Variants in SETBP1 observed in about 807,000 individuals in gnomAD.
SETBP1 encodes SET binding protein 1.
In SETBP1, 9 loss-of-function variants were observed where a neutral mutation model predicts 101.0. The observed-to-expected ratio is 0.09, with a 90% CI of 0.05 to 0.16. SETBP1 has a LOEUF of 0.16. Ranked by LOEUF, SETBP1 falls within the 10% of genes least tolerant of loss-of-function variation. SETBP1 has a pLI of 1.00. For synonymous variants in SETBP1, 818 were observed against 788.5 expected (o/e 1.04, Z -0.63); for missense variants, 1,858 against 2,033.8 (o/e 0.91, Z 1.66).
chr18:44,889,936 T>C (rs1043514419), intron 3 of SETBP1, among the ~76,000 whole-genome samples: 10 of 152,154 alleles, frequency 6.6e-5, no homozygotes, highest in African/African-American at 1.7e-4. Context: ...CAGTCAGCAT[T>C]TTTGTTTACT....
At chr18:44,730,234 C>T (rs2069808334) in intron 2 of SETBP1, among the ~76,000 whole-genome samples, 1 of 152,054 alleles carries the variant, frequency 6.6e-6, no homozygotes, top group South Asian at 2.1e-4. Context: ...TAGGTTCTGC[C>T]CTCAAACAAG....
At chr18:44,715,709 A>C (rs2069446959) in intron 2 of SETBP1, among the ~76,000 whole-genome samples, 1 of 152,206 alleles carries the variant, frequency 6.6e-6, no homozygotes, top group Admixed American at 6.5e-5. Flanking sequence ...CTTTTTTAAA[A>C]CTACTGTATA....
rs559949524 is a variant in SETBP1, at chr18:44,763,030, G to A, written c.486+61198G>A. On this transcript the variant is annotated intron_variant, in intron 2 of 5. Transcript: ENST00000649279. ...GCAAACACTAATATGTATATAATAA[G>A]TGCTATATGAGCAGCACAAAGACAA... 5.3e-5 allele frequency among the ~76,000 whole-genome samples: 8 copies of A among 152,318 alleles called. No homozygotes were observed. In the South Asian group the frequency reaches 1.2e-3, roughly 24 times the overall value.
intron 2 of SETBP1, among the ~76,000 whole-genome samples, chr18:44,829,993 A>G (rs1038215425): frequency 6.6e-6 from 1 of 152,230 alleles, no homozygotes; most frequent in Non-Finnish European, 1.5e-5. Flanking sequence ...AGAACACACT[A>G]TGATATAATG....
At chr18:44,699,820 C>G (rs1187303978) in intron 1 of SETBP1, among the ~76,000 whole-genome samples, 1 of 152,290 alleles carries the variant, frequency 6.6e-6, no homozygotes, top group African/African-American at 2.4e-5. Context: ...CCTCACAGGG[C>G]GTCAGCTAAA....
intron 3 of SETBP1, among the ~76,000 whole-genome samples, chr18:44,875,335 T>C (rs1179823338): frequency 1.3e-5 from 2 of 151,742 alleles, no homozygotes; most frequent in African/African-American, 2.4e-5. Context: ...CTGGCCAACA[T>C]GGTGAAACCT....
At chr18:45,049,903 C>G (rs1254159811) in intron 5 of SETBP1, among the ~76,000 whole-genome samples, 6 of 152,046 alleles carry the variant, frequency 3.9e-5, no homozygotes, top group African/African-American at 1.4e-4. Context: ...TGAGGAAACC[C>G]AGGTTTTATC....
At chr18:44,985,119 C>T (rs754158636) in intron 4 of SETBP1, among the ~76,000 whole-genome samples, 23 of 152,198 alleles carry the variant, frequency 1.5e-4, no homozygotes, top group South Asian at 6.2e-4. Context: ...CCAGACTGGG[C>T]GACAGAGACT....
At chr18:44,761,228 A>G (rs1290793478) in intron 2 of SETBP1, among the ~76,000 whole-genome samples, 1 of 152,172 alleles carries the variant, frequency 6.6e-6, no homozygotes, top group African/African-American at 2.4e-5. Flanking sequence ...AATTGAGGTA[A>G]TTACCATATA....
rs79199903 is a variant in SETBP1, at chr18:44,729,518, T to C, written c.486+27686T>C. On this transcript the variant is annotated intron_variant, in intron 2 of 5. Coordinates refer to ENST00000649279, the MANE Select transcript of SETBP1 (RefSeq NM_015559.3). ...GAATTTAAGATATCTCCTAGGTAAA[T>C]GGATATCACTATTCATAAAGAAGGG... is the stretch of plus-strand genomic sequence containing the variant. 4.9e-4 allele frequency among the ~76,000 whole-genome samples: 74 copies of C among 152,330 alleles called. 1 individual carries two copies. The highest frequency in any genetic ancestry group is 2.2e-3 in the Admixed American group (34 of 15,308).
chr18:44,750,206 A>T (rs913406605), intron 2 of SETBP1, among the ~76,000 whole-genome samples: 1 of 152,222 alleles, frequency 6.6e-6, no homozygotes, highest in South Asian at 2.1e-4. Flanking sequence ...AACAACAGAC[A>T]TGTATTTCCC....
intron 4 of SETBP1, among the ~76,000 whole-genome samples, chr18:44,994,605 T>A (rs893681282): frequency 2.0e-5 from 3 of 152,146 alleles, no homozygotes; most frequent in African/African-American, 7.2e-5. Flanking sequence ...TAGGGAAAAT[T>A]TTTTTTGTGA....
chr18:44,766,744 A>G (rs1480184408), intron 2 of SETBP1, among the ~76,000 whole-genome samples: 1 of 152,190 alleles, frequency 6.6e-6, no homozygotes. Context: ...AGGCTGAGGC[A>G]GGAGGATTAG....
intron 5 of SETBP1, among the ~76,000 whole-genome samples, chr18:45,046,567 T>C (rs2073616045): frequency 6.6e-6 from 1 of 152,248 alleles, no homozygotes; most frequent in African/African-American, 2.4e-5. Flanking sequence ...GAAGAAGGAA[T>C]ATGCACGCAT....
chr18:44,933,686 G>A (rs888079768), intron 3 of SETBP1, among the ~76,000 whole-genome samples: 5 of 152,192 alleles, frequency 3.3e-5, no homozygotes, highest in African/African-American at 1.2e-4. Context: ...CAGCCTTGCA[G>A]TTTGATCTCA....
intron 2 of SETBP1, among the ~76,000 whole-genome samples, chr18:44,852,719 G>A (rs2072897150): frequency 6.6e-6 from 1 of 152,108 alleles, no homozygotes; most frequent in African/African-American, 2.4e-5. Flanking sequence ...CTTTTCCTGG[G>A]TGCCTTTGAT....
intron 2 of SETBP1, among the ~76,000 whole-genome samples, chr18:44,771,976 T>A (rs1354979596): frequency 2.6e-5 from 4 of 152,252 alleles, no homozygotes; most frequent in African/African-American, 9.6e-5. Flanking sequence ...AACCTCTTGA[T>A]ACCTTGCCTC....
chr18:44,787,691 A>G (rs558632223), intron 2 of SETBP1, among the ~76,000 whole-genome samples: 1 of 145,056 alleles, frequency 6.9e-6, no homozygotes, highest in East Asian at 2.0e-4. Flanking sequence ...CGTCTCTACT[A>G]AAAATACAAA....
chr18:44,977,791 G>C (rs997394474), intron 4 of SETBP1, among the ~76,000 whole-genome samples: 3 of 152,114 alleles, frequency 2.0e-5, no homozygotes, highest in Non-Finnish European at 4.4e-5. Context: ...CCACCTGAGA[G>C]GAGAGAACAC....
Sources: allele counts gnomAD v4.1 joint callset (sites outside exome capture counted in the v4.1 genomes callset), GRCh38; gene constraint gnomAD v4.1.1; transcripts MANE v1.5; gene names NCBI Gene and HGNC (gene_info 2026-07-23, HGNC 2026-07-21).